The following AFG1L variants were observed in gnomAD, a reference collection of about 807,000 sequenced individuals.
AFG1L encodes the protein AFG1 like ATPase, also known as AFG1-like ATPase.
AFG1L carries 53 observed loss-of-function variants against 62.2 expected under a neutral mutation model. The observed-to-expected ratio is 0.85, with a 90% confidence interval of 0.68 to 1.07. The LOEUF (loss-of-function observed/expected upper bound fraction) is 1.07, where lower values mean the gene tolerates loss of function less well. Among genes scored for constraint, AFG1L ranks in the 50% least tolerant of loss-of-function variants. The pLI is 0.00. For missense variants in AFG1L, 555 were observed against 590.5 expected, an observed-to-expected ratio of 0.94 and a Z score of 0.62; for synonymous variants, 228 against 210.3, an observed-to-expected ratio of 1.08 and a Z score of -0.73.
chr6:108,366,976 C>T (rs1779789351), intron 6 of AFG1L, among the ~76,000 whole-genome samples: 1 of 152,106 alleles, frequency 6.6e-6, no homozygotes, highest in Non-Finnish European at 1.5e-5. Context: ...GCTAAGCCCT[C>T]ACCTCCTTTG....
intron 6 of AFG1L, among the ~76,000 whole-genome samples, chr6:108,395,323 C>T (rs952272761): frequency 6.7e-6 from 1 of 150,064 alleles, no homozygotes; most frequent in Admixed American, 6.6e-5. Context: ...TAATGCCATA[C>T]TTTTTAAAAA....
intron 6 of AFG1L, among the ~76,000 whole-genome samples, chr6:108,382,537 G>A (rs1327227535): frequency 6.6e-6 from 1 of 152,030 alleles, no homozygotes; most frequent in African/African-American, 2.4e-5. Flanking sequence ...AAAATACAAT[G>A]TTCATCACCT....
intron 6 of AFG1L, among the ~76,000 whole-genome samples, chr6:108,381,951 G>C (rs1290481781): frequency 6.6e-6 from 1 of 150,410 alleles, no homozygotes. Flanking sequence ...ACTGACCCTA[G>C]AACTGTAAGA....
At chr6:108,388,159 A>G (rs1780857450) in intron 6 of AFG1L, 1 of 152,124 alleles carries the variant, frequency 6.6e-6, no homozygotes, top group South Asian at 2.1e-4. Context: ...CACTGCCATT[A>G]GTTTGTACAT....
At chr6:108,331,950 G>GT (rs2114347185) in intron 2 of AFG1L, among the ~76,000 whole-genome samples, 2 of 152,184 alleles carry the variant, frequency 1.3e-5, no homozygotes, top group African/African-American at 4.8e-5. Flanking sequence ...ATAATTTTCA[G>GT]TTTTTCCCTA....
intron 10 of AFG1L, among the ~76,000 whole-genome samples, chr6:108,509,857 G>A (rs1774570819): frequency 6.6e-6 from 1 of 152,054 alleles, no homozygotes; most frequent in Admixed American, 6.5e-5. Context: ...ATGCTCTGAG[G>A]GTACACTACT....
intron 7 of AFG1L, among the ~76,000 whole-genome samples, chr6:108,417,280 AC>A (rs1370458545): frequency 5.4e-5 from 7 of 129,458 alleles, no homozygotes; most frequent in Admixed American, 8.6e-5. Flanking sequence ...ACACACACAC[AC>A]ACACACAAAA....
intron 10 of AFG1L, among the ~76,000 whole-genome samples, chr6:108,481,068 G>A (rs545638003): frequency 6.6e-6 from 1 of 152,344 alleles, no homozygotes; most frequent in Admixed American, 6.5e-5. Flanking sequence ...CTCCAGGCAA[G>A]AGGCCCCAAG....
intron 10 of AFG1L, among the ~76,000 whole-genome samples, chr6:108,496,618 A>G (rs1773984447): frequency 6.6e-6 from 1 of 152,232 alleles, no homozygotes; most frequent in Admixed American, 6.5e-5. Flanking sequence ...CACAGTAAAT[A>G]TACTTTGGAA....
chr6:108,321,989 C>T (rs1163212963), intron 1 of AFG1L, among the ~76,000 whole-genome samples: 1 of 152,112 alleles, frequency 6.6e-6, no homozygotes, highest in African/African-American at 2.4e-5. Context: ...CTTAAGCCGT[C>T]CTCCTACCTC....
chr6:108,374,603 C>G (rs917749892), intron 6 of AFG1L, among the ~76,000 whole-genome samples: 1 of 152,164 alleles, frequency 6.6e-6, no homozygotes, highest in Admixed American at 6.5e-5. Flanking sequence ...TTCCCCATTG[C>G]TTATTTTTGT....
At chr6:108,445,915 G>A (rs908716999) in intron 7 of AFG1L, among the ~76,000 whole-genome samples, 2 of 152,112 alleles carry the variant, frequency 1.3e-5, no homozygotes, top group African/African-American at 2.4e-5. Context: ...AGCACATGCT[G>A]TTGGAAAATT....
intron 1 of AFG1L, among the ~76,000 whole-genome samples, chr6:108,295,532 G>GCCTGGGGACCCCTAC (rs1776734806): frequency 6.6e-6 from 1 of 152,088 alleles, no homozygotes; most frequent in East Asian, 1.9e-4. Flanking sequence ...TGGGGTTGGG[G>GCCTGGGGACCCCTAC]CCTGGGGACC....
At chr6:108,451,517 A>G (rs1416154236) in intron 8 of AFG1L, among the ~76,000 whole-genome samples, 1 of 152,174 alleles carries the variant, frequency 6.6e-6, no homozygotes, top group Non-Finnish European at 1.5e-5. Context: ...TAAGTTTCAG[A>G]CGTTTTTGGC....
At chr6:108,446,265 G>A (rs1466876629) in intron 7 of AFG1L, among the ~76,000 whole-genome samples, 4 of 152,092 alleles carry the variant, frequency 2.6e-5, no homozygotes, top group African/African-American at 7.2e-5. Context: ...GGAGCACTTG[G>A]GAGAAGAGAA....
At chr6:108,386,232 C>T (rs900986749) in intron 6 of AFG1L, among the ~76,000 whole-genome samples, 3 of 152,110 alleles carry the variant, frequency 2.0e-5, no homozygotes, top group African/African-American at 4.8e-5. Flanking sequence ...GAGGCCAAGG[C>T]GGGTGGATCA....
intron 6 of AFG1L, among the ~76,000 whole-genome samples, chr6:108,378,342 C>T (rs1410613413): frequency 6.6e-6 from 1 of 151,846 alleles, no homozygotes; most frequent in Non-Finnish European, 1.5e-5. Flanking sequence ...TTTTTTGATA[C>T]AGAGTCTCAC....
At chr6:108,398,642 G>A (rs560939684) in intron 6 of AFG1L, among the ~76,000 whole-genome samples, 1 of 152,154 alleles carries the variant, frequency 6.6e-6, no homozygotes, top group South Asian at 2.1e-4. Flanking sequence ...GTGAGATAGG[G>A]GTCTAGTCTC....
chr6:108,414,588 T>A (rs1317094227), intron 7 of AFG1L, among the ~76,000 whole-genome samples: 1 of 152,190 alleles, frequency 6.6e-6, no homozygotes, highest in African/African-American at 2.4e-5. Context: ...CAAGTTGGCT[T>A]CTTCCCTGGG....
Sources: allele counts gnomAD v4.1 joint callset (sites outside exome capture counted in the v4.1 genomes callset), GRCh38; gene constraint gnomAD v4.1.1; transcripts MANE v1.5; gene names NCBI Gene and HGNC (gene_info 2026-07-23, HGNC 2026-07-21).